Variants in GRIK2 observed in about 807,000 individuals in gnomAD.
GRIK2 encodes glutamate receptor ionotropic, kainate 2.
A neutral mutation model predicts 100.3 loss-of-function variants in GRIK2; 32 were observed. The observed-to-expected ratio is 0.32, with a 90% CI of 0.24 to 0.43. GRIK2 has a LOEUF of 0.43. Ranked by LOEUF, GRIK2 falls within the 20% of genes least tolerant of loss-of-function variation. The pLI is 1.00. For missense variants in GRIK2, 843 were observed against 1,114.9 expected, an observed-to-expected ratio of 0.76 and a Z score of 3.47; for synonymous variants, 417 against 389.4, an observed-to-expected ratio of 1.07 and a Z score of -0.83.
chr6:101,785,484 A>AT (rs1376875137), intron 7 of GRIK2, among the ~76,000 whole-genome samples: 1 of 152,020 alleles, frequency 6.6e-6, no homozygotes, highest in African/African-American at 2.4e-5. Flanking sequence ...ATTTTGCAAT[A>AT]TTTTTTGTAT....
intron 14 of GRIK2, among the ~76,000 whole-genome samples, chr6:101,966,079 A>G (rs1020806985): frequency 1.3e-5 from 2 of 152,092 alleles, no homozygotes; most frequent in Non-Finnish European, 2.9e-5. Context: ...GATACAAATA[A>G]TCTGTAAATT....
intron 2 of GRIK2, among the ~76,000 whole-genome samples, chr6:101,605,801 T>C (rs1222940131): frequency 6.6e-6 from 1 of 152,090 alleles, no homozygotes; most frequent in African/African-American, 2.4e-5. Flanking sequence ...TATTTCTTTT[T>C]AATCATTTTT....
intron 7 of GRIK2, among the ~76,000 whole-genome samples, chr6:101,782,180 T>C (rs1347659876): frequency 6.6e-6 from 1 of 152,204 alleles, no homozygotes; most frequent in East Asian, 1.9e-4. Context: ...TGTCTAGCAT[T>C]TACTATTTCT....
At chr6:101,421,678 A>G (rs1776420420) in intron 2 of GRIK2, among the ~76,000 whole-genome samples, 1 of 152,164 alleles carries the variant, frequency 6.6e-6, no homozygotes, top group African/African-American at 2.4e-5. Context: ...TCTCCAAAAT[A>G]ACACCTAAGT....
At chr6:101,397,414 G>A (rs768676124) in intron 1 of GRIK2, among the ~76,000 whole-genome samples, 1 of 152,070 alleles carries the variant, frequency 6.6e-6, no homozygotes, top group Non-Finnish European at 1.5e-5. Context: ...AGATACCCTT[G>A]GTTTTAGCAC....
chr6:101,781,474 G>A (rs1333279841), intron 7 of GRIK2, among the ~76,000 whole-genome samples: 1 of 152,138 alleles, frequency 6.6e-6, no homozygotes, highest in Non-Finnish European at 1.5e-5. Context: ...CTACAAGAGT[G>A]CTTAATATTT....
intron 2 of GRIK2, among the ~76,000 whole-genome samples, chr6:101,499,858 C>T (rs1773658346): frequency 6.6e-6 from 1 of 152,038 alleles, no homozygotes; most frequent in African/African-American, 2.4e-5. Flanking sequence ...AGTTGGTTTC[C>T]AGTGAATATT....
intron 14 of GRIK2, among the ~76,000 whole-genome samples, chr6:102,016,575 A>T (rs116954243): frequency 0.051 from 7,640 of 151,218 alleles, 230 homozygotes; most frequent in South Asian, 0.077. Context: ...AAAAAAATTT[A>T]AAAAAAAATG....
At position 101,690,239 on chromosome 6, in the gene GRIK2, TGATA is replaced by T. The variant is rs372791393; in HGVS notation, c.951+3891_951+3894del. Among the ~76,000 whole-genome samples, 383 of 152,272 alleles carry T rather than the reference TGATA, an allele frequency of 2.5e-3. 6 individuals are homozygous for T. Among genetic ancestry groups the T allele is most frequent in the African/African-American group, 8.9e-3 (370 of 41,562 alleles). ...ATTATCAGTATTTTTTTTCTTGTGC[TGATA>T]GATAATACCACATATTTCCTTGATA... is the stretch of plus-strand genomic sequence containing the variant. On this transcript the variant is annotated intron_variant, in intron 7 of 16. Coordinates refer to ENST00000369134, the MANE Select transcript of GRIK2 (RefSeq NM_021956.5).
rs199559917 is a variant in GRIK2 at position 101,975,805 on chromosome 6, A to G, written c.2085+47173A>G. On this transcript the variant is annotated intron_variant, in intron 14 of 16. Coordinates refer to ENST00000369134, the MANE Select transcript of GRIK2 (RefSeq NM_021956.5). ...TGTCTGTCTGTCTGTCTATCTATCT[A>G]TCTGTCTATCTATCTATCTATCTAT... Among the ~76,000 whole-genome samples the G allele has an allele frequency of 1.2e-3, 163 of 132,060 alleles. 1 individual carries two copies. The highest frequency in any genetic ancestry group is 3.9e-3 in the Middle Eastern group (1 of 256). The allele number at this position is 132,060 out of a possible 152,430, so 86.6% of individuals were successfully genotyped here.
chr6:101,887,975 A>G (rs1331900382), intron 11 of GRIK2, among the ~76,000 whole-genome samples: 6 of 152,130 alleles, frequency 3.9e-5, no homozygotes, highest in Non-Finnish European at 8.8e-5. Flanking sequence ...TCACTTTTTC[A>G]AACAATTTTT....
intron 4 of GRIK2, among the ~76,000 whole-genome samples, chr6:101,660,938 C>T (rs1185210746): frequency 6.6e-6 from 1 of 152,130 alleles, no homozygotes; most frequent in Non-Finnish European, 1.5e-5. Flanking sequence ...GTCTCCCAGT[C>T]AGGAGGCATG....
chr6:101,622,426 A>AT (rs1285158867), intron 3 of GRIK2, among the ~76,000 whole-genome samples: 1 of 152,014 alleles, frequency 6.6e-6, no homozygotes, highest in African/African-American at 2.4e-5. Flanking sequence ...ATATGAGTGG[A>AT]TTTTACCAAT....
At chr6:101,972,058 T>C (rs1793086223) in intron 14 of GRIK2, among the ~76,000 whole-genome samples, 1 of 152,030 alleles carries the variant, frequency 6.6e-6, no homozygotes, top group Non-Finnish European at 1.5e-5. Context: ...GATGAATGTA[T>C]GAATGCATGT....
At chr6:101,647,321 TCTC>T (rs559864202) in intron 4 of GRIK2, among the ~76,000 whole-genome samples, 10 of 151,930 alleles carry the variant, frequency 6.6e-5, no homozygotes, top group Non-Finnish European at 1.3e-4. Context: ...TATCTACACA[TCTC>T]CTCAAGACAG....
At chr6:101,604,579 T>C (rs536490761) in intron 2 of GRIK2, among the ~76,000 whole-genome samples, 1 of 151,978 alleles carries the variant, frequency 6.6e-6, no homozygotes, top group South Asian at 2.1e-4. Flanking sequence ...TTTGTAACAC[T>C]CATTTTATTC....
intron 11 of GRIK2, among the ~76,000 whole-genome samples, chr6:101,861,408 C>G (rs1271272830): frequency 6.6e-6 from 1 of 152,098 alleles, no homozygotes; most frequent in East Asian, 1.9e-4. Flanking sequence ...TCAGTGAGAT[C>G]AGTATTAAGT....
chr6:101,944,838 TC>T (rs1791178565), intron 14 of GRIK2, among the ~76,000 whole-genome samples: 1 of 152,062 alleles, frequency 6.6e-6, no homozygotes, highest in South Asian at 2.1e-4. Flanking sequence ...AAACTTGTAG[TC>T]TCAAAAACTA....
At chr6:101,780,171 A>T (rs1466059811) in intron 7 of GRIK2, among the ~76,000 whole-genome samples, 1 of 147,426 alleles carries the variant, frequency 6.8e-6, no homozygotes, top group Admixed American at 6.8e-5. Flanking sequence ...AATAACTTTT[A>T]TTGGAATCCC....
Sources: allele counts gnomAD v4.1 joint callset (sites outside exome capture counted in the v4.1 genomes callset), GRCh38; gene constraint gnomAD v4.1.1; transcripts MANE v1.5; gene names NCBI Gene and HGNC (gene_info 2026-07-23, HGNC 2026-07-21).